NACC2: variants seen among roughly 807,000 people sequenced by gnomAD.
NACC2 encodes NACC family member 2.
A neutral mutation model predicts 25.1 loss-of-function variants in NACC2; 8 were observed. The observed-to-expected ratio is 0.32, with a 90% CI of 0.19 to 0.57. The LOEUF (loss-of-function observed/expected upper bound fraction) is 0.57, where lower values mean the gene tolerates loss of function less well. Ranked by LOEUF, NACC2 falls within the 20% of genes least tolerant of loss-of-function variation. NACC2 has a pLI of 0.89. For missense variants in NACC2, 644 were observed against 650.2 expected (o/e 0.99, Z 0.10); for synonymous variants, 435 against 294.7 (o/e 1.48, Z -4.88).
chr9:136,041,001 A>AGAAAGGAAAGAAG (rs1840618763), intron 2 of NACC2, among the ~76,000 whole-genome samples: 2 of 139,194 alleles, frequency 1.4e-5, no homozygotes, highest in African/African-American at 2.8e-5. Flanking sequence ...AAGGAAGGAA[A>AGAAAGGAAAGAAG]GAAAGGAAGG....
At chr9:136,048,779 C>T (rs1438796125) in intron 2 of NACC2, among the ~76,000 whole-genome samples, 3 of 152,354 alleles carry the variant, frequency 2.0e-5, no homozygotes, top group East Asian at 3.9e-4. Flanking sequence ...CCCCAACCAG[C>T]ACTGCAGGAG....
At chr9:136,017,846 C>T (rs747512710) in intron 2 of NACC2, among the ~76,000 whole-genome samples, 1 of 152,218 alleles carries the variant, frequency 6.6e-6, no homozygotes, top group Non-Finnish European at 1.5e-5. Context: ...CACACCCTAC[C>T]GAGCGCAAGG....
At chr9:136,051,700 G>A (rs1405358877) in intron 1 of NACC2, among the ~76,000 whole-genome samples, 1 of 152,120 alleles carries the variant, frequency 6.6e-6, no homozygotes, top group Non-Finnish European at 1.5e-5. Context: ...CCCCCGCTGC[G>A]GAGAAGTTGC....
Position 136,090,986 on chromosome 9 carries a change from C to T in NACC2, c.-60+4203G>A, listed in dbSNP as rs577009572. Among the ~76,000 whole-genome samples the T allele has an allele frequency of 6.6e-5, 10 of 152,300 alleles. No homozygotes were observed. In the South Asian group the frequency reaches 8.3e-4, roughly 13 times the overall value. On this transcript the variant is annotated intron_variant, in intron 1 of 5. Transcript: ENST00000277554. ...GGAGCTGGGCGGGCCCAGGAGCTCGCGGCCGCCCATGGCCCTGTGCCCTCC... is the reference window on the plus strand; with the variant it reads ...GGAGCTGGGCGGGCCCAGGAGCTCGTGGCCGCCCATGGCCCTGTGCCCTCC...
At chr9:136,054,315 G>C (rs1280623279) in intron 1 of NACC2, among the ~76,000 whole-genome samples, 1 of 152,198 alleles carries the variant, frequency 6.6e-6, no homozygotes, top group Non-Finnish European at 1.5e-5. Context: ...TGATGGGGCC[G>C]TGTGGTCCCT....
intron 1 of NACC2, among the ~76,000 whole-genome samples, chr9:136,094,873 C>G (rs1377611711): frequency 2.0e-5 from 3 of 150,768 alleles, no homozygotes; most frequent in African/African-American, 4.9e-5. Flanking sequence ...CGGCGGGGAG[C>G]GCCCCGGGAC....
At chr9:136,017,932 T>C (rs1355074895) in intron 2 of NACC2, among the ~76,000 whole-genome samples, 1 of 152,156 alleles carries the variant, frequency 6.6e-6, no homozygotes, top group Non-Finnish European at 1.5e-5. Flanking sequence ...GGAGAGGCCC[T>C]TGGGCCACCC....
chr9:136,090,102 T>C (rs147278505), intron 1 of NACC2, among the ~76,000 whole-genome samples: 112 of 152,230 alleles, frequency 7.4e-4, no homozygotes, highest in Non-Finnish European at 1.2e-3. Context: ...TTAAAGCTGA[T>C]TTTTTAACAG....
chr9:136,014,233 C>A (rs1447710914), intron 3 of NACC2, among the ~76,000 whole-genome samples: 1 of 152,108 alleles, frequency 6.6e-6, no homozygotes, highest in African/African-American at 2.4e-5. Flanking sequence ...CCCCACCCTC[C>A]CCAACGAGCC....
chr9:136,019,653 A>G lies in NACC2; in HGVS notation c.887-3224T>C, dbSNP rs1259075350. Among the ~76,000 whole-genome samples, 1 of 152,178 alleles carries G rather than the reference A, an allele frequency of 6.6e-6. No homozygotes were observed. Among genetic ancestry groups the G allele is most frequent in the Non-Finnish European group, 1.5e-5 (1 of 68,024 alleles). On this transcript the variant is annotated intron_variant, in intron 2 of 5. Coordinates refer to ENST00000277554, the MANE Select transcript of NACC2 (RefSeq NM_144653.5). This position sits in a 1 kb window ranked among gnomAD's most constrained non-coding sequence, Gnocchi z 5.2. ...CCAGGGTCACGACGAGAGGGCCCGG[A>G]GCAGCAGCCTCCCGGGCAGCAGGGC... is the stretch of plus-strand genomic sequence containing the variant.
intron 1 of NACC2, among the ~76,000 whole-genome samples, chr9:136,075,551 C>T (rs750357641): frequency 6.6e-6 from 1 of 152,368 alleles, no homozygotes; most frequent in Middle Eastern, 3.4e-3. Context: ...CCCAGGCTGT[C>T]GTGCCTGAGG....
At chr9:136,095,000 G>A (rs1400875258) in intron 1 of NACC2, among the ~76,000 whole-genome samples, 189 bp downstream of exon 1, 3 of 146,046 alleles carry the variant, frequency 2.1e-5, no homozygotes, top group Admixed American at 6.8e-5. Context: ...CCCGAGGCCG[G>A]TTCCCGCGCG....
chr9:136,041,705 C>CA lies in NACC2; in HGVS notation c.886+7930dup, dbSNP rs1196779845. Among the ~76,000 whole-genome samples, 491 of 151,640 alleles carry CA rather than the reference C, an allele frequency of 3.2e-3. 3 individuals carry two copies. Among genetic ancestry groups the CA allele is most frequent in the African/African-American group, 8.6e-3 (354 of 41,316 alleles). On this transcript the variant is annotated intron_variant, in intron 2 of 5. Coordinates refer to ENST00000277554, the MANE Select transcript of NACC2 (RefSeq NM_144653.5). ...TGATGGCCACACAGCTCTGAATATACAAAAAAAACACTGGATTATTACTTT... is the reference window on the plus strand; with the variant it reads ...TGATGGCCACACAGCTCTGAATATACAAAAAAAAACACTGGATTATTACTTT...
At chr9:136,093,537 G>A (rs1030122623) in intron 1 of NACC2, among the ~76,000 whole-genome samples, 3 of 152,238 alleles carry the variant, frequency 2.0e-5, no homozygotes, top group African/African-American at 7.2e-5. Flanking sequence ...TGTGACCACT[G>A]CGAAAGGATC....
intron 2 of NACC2, among the ~76,000 whole-genome samples, chr9:136,045,203 C>A (rs1431666451): frequency 2.0e-5 from 3 of 152,220 alleles, no homozygotes; most frequent in African/African-American, 7.2e-5. Context: ...CCATGCCCTG[C>A]AGAGAGGCAC....
Position 136,011,942 on chromosome 9 carries a change from G to C in NACC2, c.1338C>G (p.Arg446=). 6.2e-7 allele frequency: 1 copy of C among 1,604,002 alleles called. No individual in the cohort carries two copies. The highest frequency in any genetic ancestry group is 8.5e-7 in the Non-Finnish European group (1 of 1,177,014). ...TCTTGGGCAGCCAGCGCTTGCGAAC[G>C]CGGCGGGCGTTGGTGCACATGTCCG... The part of the protein sequence containing the change: ...IAADMCTNAR[R]VRKRWLPKIK... Residue 446 remains arginine (R), a synonymous_variant, in exon 6 of 6, where the codon CGC becomes CGG. Coordinates refer to ENST00000277554, the MANE Select transcript of NACC2 (RefSeq NM_144653.5).
rs1176431206 is a variant in NACC2, at chr9:136,095,238, G to T, written c.-109C>A. On this transcript the variant is annotated 5_prime_UTR_variant, in exon 1 of 6. Transcript: ENST00000277554. ...CCTGGGCAGCTGCGGCGCGCCGCCCGCGGCAGGAAGTGCTTGGCGTCCCGG... is the reference window on the plus strand; with the variant it reads ...CCTGGGCAGCTGCGGCGCGCCGCCCTCGGCAGGAAGTGCTTGGCGTCCCGG... 1 of 147,462 alleles carries T rather than the reference G, an allele frequency of 6.8e-6. No individual in the cohort carries two copies. Among genetic ancestry groups the T allele is most frequent in the Non-Finnish European group, 1.5e-5 (1 of 66,160 alleles). 9.1% of individuals were successfully genotyped at this position (147,462 alleles called of 1,614,324 possible). A position where few individuals can be genotyped will look rare whatever the true frequency, so the allele number is the denominator to read the frequency against.
At chr9:136,066,522 G>C (rs1463780892) in intron 1 of NACC2, among the ~76,000 whole-genome samples, 1 of 152,206 alleles carries the variant, frequency 6.6e-6, no homozygotes, top group Non-Finnish European at 1.5e-5. Context: ...GAAATGTAAA[G>C]AGATGTAGCG....
chr9:136,051,290 G>C (rs1380641125), intron 1 of NACC2, among the ~76,000 whole-genome samples: 1 of 152,140 alleles, frequency 6.6e-6, no homozygotes, highest in Non-Finnish European at 1.5e-5. Flanking sequence ...GCTCGGACCA[G>C]ACCCAGGTTC....
Sources: allele counts gnomAD v4.1 joint callset (sites outside exome capture counted in the v4.1 genomes callset), GRCh38; gene constraint gnomAD v4.1.1; non-coding constraint Gnocchi (gnomAD v3.1); transcripts MANE v1.5; gene names NCBI Gene and HGNC (gene_info 2026-07-23, HGNC 2026-07-21).